RCC1: variants seen among roughly 807,000 people sequenced by gnomAD.
RCC1 encodes regulator of chromosome condensation.
A neutral mutation model predicts 44.4 loss-of-function variants in RCC1; 11 were observed. That is an observed-to-expected ratio of 0.25 (90% CI 0.16 to 0.41). The LOEUF is 0.41. Among genes scored for constraint, RCC1 ranks in the 10% least tolerant of loss-of-function variants. RCC1 has a pLI of 1.00. For synonymous variants in RCC1, 213 were observed against 216.5 expected (o/e 0.98, Z 0.14); for missense variants, 386 against 547.1 (o/e 0.71, Z 2.94).
intron 3 of RCC1, chr1:28,510,006 G>GT (rs1370720637): frequency 4.6e-5 from 7 of 152,252 alleles, no homozygotes; most frequent in African/African-American, 1.7e-4. Flanking sequence ...GCCTCATGAC[G>GT]TGAGTCACAA....
intron 2 of RCC1, chr1:28,508,492 G>C: frequency 2.1e-6 from 1 of 465,268 alleles, no homozygotes; most frequent in East Asian, 6.6e-5. Context: ...ACTAGCCCTT[G>C]AAAATACTGT....
At chr1:28,533,363 C>A (rs1294317440) in intron 7 of RCC1, among the ~76,000 whole-genome samples, 1 of 151,032 alleles carries the variant, frequency 6.6e-6, no homozygotes, top group Non-Finnish European at 1.5e-5. Flanking sequence ...CCCAGCTACT[C>A]GGGAGGCTGA....
rs201492357 is a variant in RCC1 at position 28,530,635 on chromosome 1, G to C, written c.73+696G>C. The C allele has an allele frequency of 7.5e-4, 1,189 of 1,580,780 alleles. 41 individuals carry two copies. The East Asian group carries it at 0.027, about 35-fold the overall frequency. Reference sequence around the variant, plus strand: ...GACCAGGTGGCTCCGCGCCCGGGGCGCCCTCTGTGCTGCCAGCGCGGGCTC... The same window carrying C: ...GACCAGGTGGCTCCGCGCCCGGGGCCCCCTCTGTGCTGCCAGCGCGGGCTC... On this transcript the variant is annotated intron_variant, in intron 5 of 12. Transcript: ENST00000683442.
At chr1:28,507,558 T>G (rs540401265) in intron 1 of RCC1, 75 of 517,098 alleles carry the variant, frequency 1.5e-4, no homozygotes, top group Admixed American at 1.1e-3. Context: ...AGACAAACCA[T>G]GCAGGAAACA....
intron 3 of RCC1, among the ~76,000 whole-genome samples, chr1:28,515,137 G>T (rs181042680): frequency 1.3e-5 from 2 of 151,920 alleles, no homozygotes; most frequent in African/African-American, 4.8e-5. Context: ...AATTAGATGG[G>T]CAATTAGCTG....
At chr1:28,520,815 C>T (rs565307098) in intron 4 of RCC1, among the ~76,000 whole-genome samples, 3 of 152,276 alleles carry the variant, frequency 2.0e-5, no homozygotes, top group South Asian at 2.1e-4. Context: ...CGGTGGCTCA[C>T]GACTGTAACC....
chr1:28,531,989 A>G lies in RCC1; in HGVS notation c.260A>G (p.Gln87Arg), dbSNP rs758623468. Residue 87 changes from glutamine (Q) to arginine (R), a missense_variant and splice_region_variant, in exon 6 of 13, where the codon CAG (glutamine) becomes CGG (arginine). Gln to Arg is a conservative substitution (Grantham distance 43). Transcript: ENST00000683442. ...ACCGTGTGTCTAAGCAAAAGTGGCC[A>G]GGTAGGTGTTGGGGACTGGCACAGG... ...MHTVCLSKSG[Q>R]VYSFGCNDEG... is the part of the protein sequence containing the mutation. 6.4e-6 allele frequency: 10 copies of G among 1,570,424 alleles called. No individual in the cohort carries two copies. The East Asian group carries it at 2.2e-4, about 35-fold the overall frequency.
intron 7 of RCC1, among the ~76,000 whole-genome samples, chr1:28,533,034 G>A (rs1443515498): frequency 4.6e-5 from 7 of 151,804 alleles, no homozygotes; most frequent in Non-Finnish European, 7.4e-5. Context: ...GGCTGGTCTC[G>A]AACTCCCGAC....
At chr1:28,528,571 T>C (rs2124646971) in intron 4 of RCC1, among the ~76,000 whole-genome samples, 1 of 152,058 alleles carries the variant, frequency 6.6e-6, no homozygotes, top group Middle Eastern at 3.4e-3. Flanking sequence ...GAGGTTGCAG[T>C]GAGCTGAGAT....
chr1:28,534,281 C>T (rs1344961742), intron 7 of RCC1, among the ~76,000 whole-genome samples: 1 of 151,904 alleles, frequency 6.6e-6, no homozygotes, highest in Non-Finnish European at 1.5e-5. Context: ...CCCTGATTCA[C>T]GCCATTCTCC....
Position 28,538,164 on chromosome 1 carries a change from T to G in RCC1, c.*157T>G. 5 of 582,794 alleles carry G rather than the reference T, an allele frequency of 8.6e-6. No individual in the cohort carries two copies. The highest frequency in any genetic ancestry group is 3.5e-5 in the East Asian group (1 of 28,580). 36.1% of individuals were successfully genotyped at this position (582,794 alleles called of 1,614,324 possible). A position where few individuals can be genotyped will look rare whatever the true frequency, so the allele number is the denominator to read the frequency against. The stretch of plus-strand genomic sequence containing the variant: ...AGCAGAACAGAATCCTTTTCCTCTT[T>G]TCCTTCCTCCTCTTTGGAATTTTCC... On this transcript the variant is annotated 3_prime_UTR_variant, in exon 13 of 13. Coordinates refer to ENST00000683442, the MANE Select transcript of RCC1 (RefSeq NM_001381865.2).
rs1246444502 is a variant in RCC1 at position 28,508,187 on chromosome 1, G to A, written c.-229+27G>A. The A allele has an allele frequency of 6.9e-6, 3 of 437,256 alleles. No individual in the cohort carries two copies. The East Asian group carries it at 2.1e-4, about 31-fold the overall frequency. 27.1% of individuals were successfully genotyped at this position (437,256 alleles called of 1,614,324 possible). On this transcript the variant is annotated intron_variant, in intron 2 of 12. Transcript: ENST00000683442. ...TGAGTAAATCTGCTAATTGTTTTTT[G>A]CTTATCAGCTCTTTGTCAATGATTT...
chr1:28,528,089 G>A (rs973254352), intron 4 of RCC1, among the ~76,000 whole-genome samples: 1 of 152,114 alleles, frequency 6.6e-6, no homozygotes, highest in Non-Finnish European at 1.5e-5. Flanking sequence ...GGAGGCTGAG[G>A]CAGGTGGATT....
chr1:28,507,253 C>T lies in RCC1; in HGVS notation c.-261-875C>T, dbSNP rs146766921. 1,657 of 452,934 alleles carry T rather than the reference C, an allele frequency of 3.7e-3. 20 individuals carry two copies. Among genetic ancestry groups the T allele is most frequent in the African/African-American group, 0.031 (1,537 of 49,648 alleles). The allele number at this position is 452,934 out of a possible 1,614,324, so 28.1% of individuals were successfully genotyped here. On this transcript the variant is annotated intron_variant, in intron 1 of 12. Transcript: ENST00000683442. ...AGAAACCGATTTTTTTTTAACACCC[C>T]ACTGTGGACAGGGTGGAAACTCGTT... is the stretch of plus-strand genomic sequence containing the variant.
At chr1:28,510,823 A>G (rs2124605105) in intron 3 of RCC1, 1 of 152,422 alleles carries the variant, frequency 6.6e-6, no homozygotes, top group South Asian at 2.1e-4. Context: ...ATTCGTCTGT[A>G]TGCCCAGTCC....
Position 28,536,743 on chromosome 1 carries a change from A to G in RCC1, c.938-4A>G. On this transcript the variant is annotated splice_region_variant and splice_polypyrimidine_tract_variant and intron_variant, in intron 11 of 12. Transcript: ENST00000683442. This position sits in a 1 kb window ranked among gnomAD's most constrained non-coding sequence, Gnocchi z 4.9. ...ATTGCTCATCTCTCTCCCTCCTCCC[A>G]TAGGAAAAGCATACAGCCTGGGCCG... The G allele has an allele frequency of 6.2e-7, 1 of 1,613,720 alleles. No individual in the cohort carries two copies. Among genetic ancestry groups the G allele is most frequent in the Non-Finnish European group, 8.5e-7 (1 of 1,179,798 alleles).
rs746134439 is a variant in RCC1 at position 28,536,056 on chromosome 1, C to G, written c.817+30C>G. ...GCCCCGAGCCCAGCTTCAGGCATGA[C>G]CCAGTGGCCTGCGTTCCTGTCCTGG... On this transcript the variant is annotated intron_variant, in intron 10 of 12. Coordinates refer to ENST00000683442, the MANE Select transcript of RCC1 (RefSeq NM_001381865.2). This position sits in a 1 kb window ranked among gnomAD's most constrained non-coding sequence, Gnocchi z 4.9. 3 of 1,583,460 alleles carry G rather than the reference C, an allele frequency of 1.9e-6. No individual in the cohort carries two copies. In the South Asian group the frequency reaches 3.4e-5, roughly 18 times the overall value.
chr1:28,536,517 A>G lies in RCC1; in HGVS notation c.937+136A>G. 8.2e-7 allele frequency: 1 copy of G among 1,221,996 alleles called. No homozygotes were observed. The highest frequency in any genetic ancestry group is 1.1e-6 in the Non-Finnish European group (1 of 877,288). The allele number at this position is 1,221,996 out of a possible 1,614,324, so 75.7% of individuals were successfully genotyped here. On this transcript the variant is annotated intron_variant, in intron 11 of 12. Coordinates refer to ENST00000683442, the MANE Select transcript of RCC1 (RefSeq NM_001381865.2). This position sits in a 1 kb window ranked among gnomAD's most constrained non-coding sequence, Gnocchi z 4.9. ...TACCATACATGGGTCCATGAGAGTC[A>G]CTCTCATCCTCCTAGAGTCCTGGTG...
intron 4 of RCC1, among the ~76,000 whole-genome samples, chr1:28,521,151 A>G (rs1663241805): frequency 1.3e-5 from 2 of 152,090 alleles, no homozygotes; most frequent in South Asian, 4.1e-4. Context: ...TACAAGACCC[A>G]TTTGTGCAGT....
Sources: gnomAD v4.1 joint callset for allele counts (sites outside exome capture counted in the v4.1 genomes callset) on GRCh38, gnomAD v4.1.1 for gene constraint, Gnocchi (gnomAD v3.1) non-coding constraint, MANE v1.5 for transcripts, NCBI Gene and HGNC (gene_info 2026-07-23, HGNC 2026-07-21) for gene names.